Variants in KALRN observed in about 807,000 individuals in gnomAD.
KALRN encodes kalirin.
A neutral mutation model predicts 353.7 loss-of-function variants in KALRN; 70 were observed. The observed-to-expected ratio is 0.20, with a 90% CI of 0.16 to 0.24. KALRN has a LOEUF of 0.24. KALRN is among the 10% of genes least tolerant of loss of function. The probability of loss-of-function intolerance (pLI) is 1.00; values close to 1 mark genes in which losing one functional copy is unlikely to be tolerated. For synonymous variants in KALRN, 1,391 were observed against 1,434.8 expected (o/e 0.97, Z 0.69); for missense variants, 2,791 against 3,756.7 (o/e 0.74, Z 6.72).
intron 51 of KALRN, among the ~76,000 whole-genome samples, chr3:124,685,154 C>T (rs2061503800): frequency 6.6e-6 from 1 of 152,162 alleles, no homozygotes; most frequent in African/African-American, 2.4e-5. Flanking sequence ...GAAAGTGAAG[C>T]ATCACATTCC....
At chr3:124,174,991 C>A (rs535050695) in intron 1 of KALRN, among the ~76,000 whole-genome samples, 188 of 152,340 alleles carry the variant, frequency 1.2e-3, no homozygotes, top group African/African-American at 4.4e-3. Context: ...TGTTGTCCTT[C>A]CAAAGGGGCA....
At chr3:124,601,940 G>C (rs989430396) in intron 34 of KALRN, among the ~76,000 whole-genome samples, 3 of 151,476 alleles carry the variant, frequency 2.0e-5, no homozygotes, top group Non-Finnish European at 4.4e-5. Context: ...GGGGGAGTAT[G>C]GCTTGAGTGT....
chr3:124,383,907 G>C (rs2087795216), intron 10 of KALRN, among the ~76,000 whole-genome samples: 2 of 152,070 alleles, frequency 1.3e-5, no homozygotes, highest in South Asian at 4.2e-4. Context: ...GATACTGACT[G>C]CTCTGCTTGT....
intron 1 of KALRN, among the ~76,000 whole-genome samples, chr3:124,206,148 C>T (rs563459291): frequency 3.3e-5 from 5 of 152,282 alleles, no homozygotes; most frequent in Admixed American, 1.3e-4. Context: ...TCAGAGATCA[C>T]GTAATAGAAG....
chr3:124,506,552 C>A (rs2065253098), intron 33 of KALRN, among the ~76,000 whole-genome samples: 1 of 152,162 alleles, frequency 6.6e-6, no homozygotes, highest in African/African-American at 2.4e-5. Context: ...AGGAGAGATG[C>A]TTTCTGCATG....
chr3:124,636,596 A>G (rs2081373721), intron 36 of KALRN, among the ~76,000 whole-genome samples: 1 of 151,974 alleles, frequency 6.6e-6, no homozygotes, highest in Non-Finnish European at 1.5e-5. Context: ...TGCTTTGTGG[A>G]GGGGTAAGGG....
At chr3:124,086,834 C>G (rs970208868) in intron 1 of KALRN, among the ~76,000 whole-genome samples, 1 of 152,174 alleles carries the variant, frequency 6.6e-6, no homozygotes, top group Non-Finnish European at 1.5e-5. Flanking sequence ...CCCAGTATCT[C>G]TTTTTGTAAA....
chr3:124,240,208 G>A (rs146830947), intron 3 of KALRN, among the ~76,000 whole-genome samples: 46 of 152,252 alleles, frequency 3.0e-4, no homozygotes, highest in African/African-American at 8.4e-4. Flanking sequence ...AACTGCAATC[G>A]TTAGTAATCA....
At chr3:124,547,830 A>G (rs1278973543) in intron 33 of KALRN, among the ~76,000 whole-genome samples, 1 of 143,016 alleles carries the variant, frequency 7.0e-6, no homozygotes, top group Middle Eastern at 3.6e-3. Context: ...TTTCTCTTAC[A>G]TGTACCAAAC....
chr3:124,642,806 G>GTTGTTTTTTGTTT (rs796628603), intron 37 of KALRN, among the ~76,000 whole-genome samples: 1 of 96,840 alleles, frequency 1.0e-5, no homozygotes, highest in Non-Finnish European at 1.9e-5. Context: ...CCCAAGCCTC[G>GTTGTTTTTTGTTT]TTTTTTTTTT....
chr3:124,483,055 C>T (rs2062152310), intron 28 of KALRN, among the ~76,000 whole-genome samples, 155 bp downstream of exon 28: 1 of 152,170 alleles, frequency 6.6e-6, no homozygotes, highest in African/African-American at 2.4e-5. Flanking sequence ...CTGTCCTATC[C>T]CATGGAAATC....
intron 3 of KALRN, among the ~76,000 whole-genome samples, chr3:124,239,739 A>G (rs1468005462): frequency 2.0e-5 from 3 of 152,176 alleles, no homozygotes; most frequent in East Asian, 1.9e-4. Flanking sequence ...AGAGGGGTAA[A>G]AACTGCAAGG....
intron 34 of KALRN, among the ~76,000 whole-genome samples, chr3:124,571,174 GT>G (rs1442471688): frequency 6.6e-6 from 1 of 152,172 alleles, no homozygotes; most frequent in African/African-American, 2.4e-5. Flanking sequence ...CAGATAAAAT[GT>G]TAAACACTTC....
chr3:124,401,048 A>T (rs1446751584), intron 13 of KALRN, among the ~76,000 whole-genome samples: 2 of 152,210 alleles, frequency 1.3e-5, no homozygotes, highest in Non-Finnish European at 1.5e-5. Flanking sequence ...AGCTGGGGGC[A>T]TCGCAAGTGT....
rs12492063 is a variant in KALRN, at chr3:124,398,104, T to C, written c.2172-593T>C. On this transcript the variant is annotated intron_variant, in intron 12 of 59. Transcript: ENST00000682506. ...AGAGACCTAATTCAGGTTTGCAGGC[T>C]CCAGATCCTATGCTTTCCTAAGTAT... Among the ~76,000 whole-genome samples, 674 of 152,350 alleles carry C rather than the reference T, an allele frequency of 4.4e-3. 21 individuals carry two copies. The highest frequency in any genetic ancestry group is 0.034 in the Admixed American group (520 of 15,300).
intron 21 of KALRN, among the ~76,000 whole-genome samples, chr3:124,453,009 A>T (rs926749231): frequency 6.6e-6 from 1 of 152,174 alleles, no homozygotes. Flanking sequence ...ACCAAAGAAA[A>T]TTGTTTTCAG....
intron 6 of KALRN, among the ~76,000 whole-genome samples, chr3:124,305,307 T>C (rs11915076): frequency 1.3e-3 from 196 of 152,252 alleles, no homozygotes; most frequent in African/African-American, 4.6e-3. Flanking sequence ...ATTGGCGACA[T>C]AGGCAGCATT....
intron 1 of KALRN, among the ~76,000 whole-genome samples, chr3:124,158,991 GATCAGGTATAC>G (rs746168976): frequency 2.6e-5 from 4 of 152,068 alleles, no homozygotes; most frequent in Non-Finnish European, 5.9e-5. Flanking sequence ...GGCCCTATAG[GATCAGGTATAC>G]ATCTACAAAC....
chr3:124,151,122 T>C (rs932758725), intron 1 of KALRN, among the ~76,000 whole-genome samples: 1 of 152,196 alleles, frequency 6.6e-6, no homozygotes, highest in Non-Finnish European at 1.5e-5. Context: ...TTGGTGCTAT[T>C]ATGAATAAAG....
Sources: gnomAD v4.1 joint callset for allele counts (sites outside exome capture counted in the v4.1 genomes callset) on GRCh38, gnomAD v4.1.1 for gene constraint, MANE v1.5 for transcripts, NCBI Gene and HGNC (gene_info 2026-07-23, HGNC 2026-07-21) for gene names.